TICAM2: variants seen among roughly 807,000 people sequenced by gnomAD.
TICAM2 encodes TIR domain containing adaptor molecule 2, also known as TIR domain-containing adapter molecule 2.
A neutral mutation model predicts 7.3 loss-of-function variants in TICAM2; 8 were observed. The observed-to-expected ratio is 1.10, with a 90% CI of 0.65 to 1.99. TICAM2 has a LOEUF of 1.99. Among genes scored for constraint, TICAM2 ranks in the 30% most tolerant of loss-of-function variants. The probability of loss-of-function intolerance (pLI) is 0.00; values close to 1 mark genes in which losing one functional copy is unlikely to be tolerated. For synonymous variants in TICAM2, 113 were observed against 99.6 expected (o/e 1.13, Z -0.80); for missense variants, 304 against 278.8 (o/e 1.09, Z -0.65).
In TICAM2 at chr5:115,578,790, C is replaced by T. The variant is rs1474994141; in HGVS notation, c.*1759G>A. 6.6e-6 allele frequency: 1 copy of T among 151,944 alleles called. No individual in the cohort carries two copies. The highest frequency in any genetic ancestry group is 2.4e-5 in the African/African-American group (1 of 41,358). The allele number at this position is 151,944 out of a possible 1,614,324, so 9.4% of individuals were successfully genotyped here. On this transcript the variant is annotated 3_prime_UTR_variant, in exon 2 of 2. Coordinates refer to ENST00000427199, the MANE Select transcript of TICAM2 (RefSeq NM_021649.7). ...AAGCATTATGGCAAAAAAATGAATA[C>T]TTATTATGAAAACTGAAAAAGAGAA...
At chr5:115,590,349 C>A (rs1755256844) in intron 1 of TICAM2, among the ~76,000 whole-genome samples, 1 of 152,076 alleles carries the variant, frequency 6.6e-6, no homozygotes, top group South Asian at 2.1e-4. Context: ...ATGACATATG[C>A]ATTATACATA....
chr5:115,582,041 C>T (rs1754943176), intron 1 of TICAM2: 1 of 152,144 alleles, frequency 6.6e-6, no homozygotes. Context: ...ATTAACATCT[C>T]AGTTTGGAAA....
chr5:115,597,936 T>G (rs865825291), intron 1 of TICAM2, among the ~76,000 whole-genome samples: 2 of 152,172 alleles, frequency 1.3e-5, no homozygotes, highest in African/African-American at 4.8e-5. Flanking sequence ...AAAGGTAACA[T>G]TGATCCTCTG....
intron 1 of TICAM2, among the ~76,000 whole-genome samples, chr5:115,584,997 CA>C (rs1373576312): frequency 1.3e-5 from 2 of 152,112 alleles, no homozygotes; most frequent in Non-Finnish European, 2.9e-5. Context: ...TCATAGCGTA[CA>C]AAAACAGATT....
chr5:115,596,668 C>T (rs1755522944), intron 1 of TICAM2, among the ~76,000 whole-genome samples: 1 of 152,128 alleles, frequency 6.6e-6, no homozygotes, highest in African/African-American at 2.4e-5. Context: ...GCCTGTAATC[C>T]CAGCACTTTG....
At chr5:115,596,827 G>T (rs1311354423) in intron 1 of TICAM2, among the ~76,000 whole-genome samples, 1 of 152,174 alleles carries the variant, frequency 6.6e-6, no homozygotes, top group Non-Finnish European at 1.5e-5. Flanking sequence ...GCTGAGGCAG[G>T]AGAATGGCGT....
intron 1 of TICAM2, among the ~76,000 whole-genome samples, chr5:115,596,989 C>A (rs1238926120): frequency 6.6e-6 from 1 of 152,164 alleles, no homozygotes; most frequent in Non-Finnish European, 1.5e-5. Context: ...ATAAAAAGTA[C>A]TTCTGCAAGA....
intron 1 of TICAM2, among the ~76,000 whole-genome samples, chr5:115,601,807 G>A (rs906899008): frequency 6.6e-5 from 10 of 152,196 alleles, no homozygotes; most frequent in African/African-American, 1.4e-4. Context: ...AAGACTCTGG[G>A]CTATTTGCTT....
chr5:115,602,135 C>G lies in TICAM2; in HGVS notation c.-98G>C, dbSNP rs1046237848. The G allele has an allele frequency of 6.6e-6, 1 of 152,184 alleles. No homozygotes were observed. The highest frequency in any genetic ancestry group is 1.5e-5 in the Non-Finnish European group (1 of 68,100). 9.4% of individuals were successfully genotyped at this position (152,184 alleles called of 1,614,324 possible). On this transcript the variant is annotated 5_prime_UTR_variant, in exon 1 of 2. Transcript: ENST00000427199. ...CCACCACAGTCAGCCCGCGGCTTTTCTGTCTTCCTTTCTGGCCCAGCGAGA... is the reference window on the plus strand; with the variant it reads ...CCACCACAGTCAGCCCGCGGCTTTTGTGTCTTCCTTTCTGGCCCAGCGAGA...
intron 1 of TICAM2, among the ~76,000 whole-genome samples, chr5:115,585,929 G>C (rs1398432804): frequency 2.6e-5 from 4 of 152,286 alleles, no homozygotes; most frequent in Admixed American, 2.6e-4. Flanking sequence ...GCTTGAACCA[G>C]GATGGTAGTA....
intron 1 of TICAM2, among the ~76,000 whole-genome samples, chr5:115,599,371 C>G (rs1168963188): frequency 1.3e-5 from 2 of 151,872 alleles, no homozygotes; most frequent in Admixed American, 6.6e-5. Context: ...TTTTCTGTAT[C>G]TAAAAATGAA....
At chr5:115,595,990 G>A (rs1288044760) in intron 1 of TICAM2, among the ~76,000 whole-genome samples, 1 of 152,090 alleles carries the variant, frequency 6.6e-6, no homozygotes, top group Non-Finnish European at 1.5e-5. Context: ...TTGCTGACCT[G>A]GAAGGTAGCT....
intron 1 of TICAM2, among the ~76,000 whole-genome samples, chr5:115,592,778 A>G (rs570119701): frequency 4.6e-5 from 7 of 152,168 alleles, no homozygotes; most frequent in Admixed American, 1.3e-4. Flanking sequence ...GATCCTTTTT[A>G]AAAAAAGGAT....
At chr5:115,588,552 A>C (rs1755194551) in intron 1 of TICAM2, among the ~76,000 whole-genome samples, 1 of 152,188 alleles carries the variant, frequency 6.6e-6, no homozygotes, top group Admixed American at 6.5e-5. Context: ...TAATTAGCCA[A>C]AGTGGTGTTC....
chr5:115,590,662 G>A (rs937998554), intron 1 of TICAM2, among the ~76,000 whole-genome samples: 1 of 152,120 alleles, frequency 6.6e-6, no homozygotes, highest in African/African-American at 2.4e-5. Flanking sequence ...TTTTCTTTAA[G>A]ATTTTTCAGG....
At chr5:115,601,368 C>T (rs776787683) in intron 1 of TICAM2, among the ~76,000 whole-genome samples, 54 of 150,836 alleles carry the variant, frequency 3.6e-4, no homozygotes, top group Non-Finnish European at 3.7e-4. Flanking sequence ...GTCCCAAATG[C>T]GTCTTACCAT....
At chr5:115,581,427 TAC>T in intron 1 of TICAM2, 112 bp from the exon 2 acceptor site, 1 of 1,219,584 alleles carries the variant, frequency 8.2e-7, no homozygotes. Flanking sequence ...CAGATCCAAA[TAC>T]ATAAACGACA....
intron 1 of TICAM2, among the ~76,000 whole-genome samples, chr5:115,598,946 G>T (rs1218726374): frequency 6.6e-6 from 1 of 151,692 alleles, no homozygotes; most frequent in Non-Finnish European, 1.5e-5. Flanking sequence ...AAGAGAACTG[G>T]AGCCAGATGC....
intron 1 of TICAM2, among the ~76,000 whole-genome samples, chr5:115,583,780 A>C (rs1236907036): frequency 2.6e-5 from 4 of 152,184 alleles, no homozygotes; most frequent in African/African-American, 4.8e-5. Context: ...AAAGGGCTCT[A>C]CTGGAACAAA....
Sources: gnomAD v4.1 joint callset for allele counts (sites outside exome capture counted in the v4.1 genomes callset) on GRCh38, gnomAD v4.1.1 for gene constraint, MANE v1.5 for transcripts, NCBI Gene and HGNC (gene_info 2026-07-23, HGNC 2026-07-21) for gene names.